The following ASTN2 variants were observed in gnomAD, a reference collection of about 807,000 sequenced individuals.
ASTN2 encodes astrotactin 2.
In ASTN2, 54 loss-of-function variants were observed where a neutral mutation model predicts 139.8. That is an observed-to-expected ratio of 0.39 (90% CI 0.31 to 0.48). The LOEUF (loss-of-function observed/expected upper bound fraction) is 0.48, where lower values mean the gene tolerates loss of function less well. ASTN2 is among the 20% of genes least tolerant of loss of function. The pLI is 0.95. For missense variants in ASTN2, 1,565 were observed against 1,725.1 expected, an observed-to-expected ratio of 0.91 and a Z score of 1.64; for synonymous variants, 756 against 719.5, an observed-to-expected ratio of 1.05 and a Z score of -0.81.
chr9:116,814,187 T>A (rs1831247277), intron 12 of ASTN2, among the ~76,000 whole-genome samples: 1 of 152,144 alleles, frequency 6.6e-6, no homozygotes, highest in South Asian at 2.1e-4. Context: ...CCTTCCCAGC[T>A]TTCCTAGTGC....
intron 5 of ASTN2, among the ~76,000 whole-genome samples, chr9:117,050,373 CATTG>C (rs975463607): frequency 1.3e-5 from 2 of 152,088 alleles, no homozygotes; most frequent in Admixed American, 1.3e-4. Context: ...AGGAGAATAA[CATTG>C]ATTGTGTATT....
At chr9:116,711,850 C>A (rs1351422012) in intron 16 of ASTN2, among the ~76,000 whole-genome samples, 2 of 151,964 alleles carry the variant, frequency 1.3e-5, no homozygotes, top group African/African-American at 2.4e-5. Flanking sequence ...TATTATTTTT[C>A]TCCTTGAAAC....
chr9:116,522,483 G>C (rs1850918355), intron 19 of ASTN2, among the ~76,000 whole-genome samples: 1 of 152,100 alleles, frequency 6.6e-6, no homozygotes, highest in South Asian at 2.1e-4. Context: ...AAAGGCATAA[G>C]AATGATACAT....
chr9:116,533,298 A>G (rs1029916212), intron 19 of ASTN2, among the ~76,000 whole-genome samples: 1 of 152,200 alleles, frequency 6.6e-6, no homozygotes. Flanking sequence ...CAATCATGTC[A>G]TCTGCAAACA....
intron 11 of ASTN2, among the ~76,000 whole-genome samples, chr9:116,849,625 A>G (rs887258421): frequency 1.3e-5 from 2 of 152,224 alleles, no homozygotes; most frequent in Non-Finnish European, 2.9e-5. Context: ...GAACCTGTAC[A>G]GCTTGATACC....
chr9:117,101,582 G>C (rs1828979303), intron 4 of ASTN2, among the ~76,000 whole-genome samples: 1 of 152,108 alleles, frequency 6.6e-6, no homozygotes, highest in Non-Finnish European at 1.5e-5. Flanking sequence ...GGTGTGATAA[G>C]TACTGCCCCA....
At chr9:117,309,548 G>A (rs76049323) in intron 1 of ASTN2, among the ~76,000 whole-genome samples, 1,755 of 152,252 alleles carry the variant, frequency 0.012, 30 homozygotes, top group African/African-American at 0.04. Context: ...ATAGATGCAG[G>A]AACAGTGATG....
chr9:117,190,989 A>G (rs549206525), intron 3 of ASTN2, among the ~76,000 whole-genome samples: 2 of 152,286 alleles, frequency 1.3e-5, no homozygotes, highest in African/African-American at 2.4e-5. Flanking sequence ...GTAGGTACTT[A>G]ATTAAAGCTT....
intron 1 of ASTN2, among the ~76,000 whole-genome samples, chr9:117,405,210 G>A (rs1339611932): frequency 6.6e-6 from 1 of 152,200 alleles, no homozygotes; most frequent in African/African-American, 2.4e-5. Flanking sequence ...AAAAAGTCTA[G>A]AGATGAAAAG....
chr9:117,363,694 T>G lies in ASTN2; in HGVS notation c.442+50803A>C, dbSNP rs1434493346. On this transcript the variant is annotated intron_variant, in intron 1 of 22. Coordinates refer to ENST00000313400, the MANE Select transcript of ASTN2 (RefSeq NM_001365068.1). ...GGGTAGGATTTGAAGATACAGAGAT[T>G]AGGAGGAGTCAAAAGGGGATAAGGC... Among the ~76,000 whole-genome samples the G allele has an allele frequency of 3.9e-5, 6 of 152,182 alleles. No individual in the cohort carries two copies. The South Asian group carries it at 1.2e-3, about 32-fold the overall frequency.
At chr9:116,584,598 T>G (rs2131719598) in intron 19 of ASTN2, 1 of 152,328 alleles carries the variant, frequency 6.6e-6, no homozygotes, top group African/African-American at 2.4e-5. Flanking sequence ...AGCATTATAC[T>G]TAATGGTGAA....
At position 116,734,929 on chromosome 9, in the gene ASTN2, A is replaced by T. The variant is rs538007897; in HGVS notation, c.2397-1406T>A. 5.3e-5 allele frequency among the ~76,000 whole-genome samples: 8 copies of T among 152,228 alleles called. No homozygotes were observed. In the South Asian group the frequency reaches 1.7e-3, roughly 32 times the overall value. On this transcript the variant is annotated intron_variant, in intron 13 of 22. Transcript: ENST00000313400. The stretch of plus-strand genomic sequence containing the variant: ...CACCAGCATCACCATCATTATCATC[A>T]TTGTCTTTGTCATCTATATTATTCA...
intron 12 of ASTN2, among the ~76,000 whole-genome samples, chr9:116,818,720 T>C (rs1317797438): frequency 2.0e-5 from 3 of 152,336 alleles, no homozygotes; most frequent in East Asian, 3.9e-4. Flanking sequence ...GTGCAGGACA[T>C]TGTTCCAAAG....
rs535339482 is a variant in ASTN2, at chr9:116,423,519, C to T, written c.*2332G>A. 6.6e-6 allele frequency among the ~76,000 whole-genome samples: 1 copy of T among 152,194 alleles called. No homozygotes were observed. Among genetic ancestry groups the T allele is most frequent in the African/African-American group, 2.4e-5 (1 of 41,446 alleles). ...GTTGGGTCAAGACAATGGAAAGCAA[C>T]AGCAACCTGATAGCTCTCTGAAAAC... On this transcript the variant is annotated 3_prime_UTR_variant, in exon 23 of 23. Transcript: ENST00000313400.
intron 2 of ASTN2, among the ~76,000 whole-genome samples, chr9:117,237,965 A>G (rs535347443): frequency 6.5e-4 from 99 of 152,276 alleles, no homozygotes; most frequent in Non-Finnish European, 1.3e-3. Flanking sequence ...CCCTGGAGAC[A>G]CACAGTTGTC....
chr9:116,691,315 C>G (rs756704681), intron 16 of ASTN2, among the ~76,000 whole-genome samples: 2 of 152,108 alleles, frequency 1.3e-5, no homozygotes, highest in Non-Finnish European at 2.9e-5. Flanking sequence ...GTTGGAGGTC[C>G]CTGAGAAGGG....
chr9:116,813,860 C>G (rs10983358), intron 12 of ASTN2, among the ~76,000 whole-genome samples: 15 of 151,766 alleles, frequency 9.9e-5, no homozygotes, highest in African/African-American at 3.6e-4. Flanking sequence ...CATGGCGAAA[C>G]CCCATCTCTA....
At chr9:117,328,552 C>G (rs1026680394) in intron 1 of ASTN2, among the ~76,000 whole-genome samples, 6 of 152,116 alleles carry the variant, frequency 3.9e-5, no homozygotes, top group African/African-American at 1.4e-4. Context: ...TTGGTATTCT[C>G]TAGATATGCT....
chr9:117,385,983 G>A (rs1173661309), intron 1 of ASTN2, among the ~76,000 whole-genome samples: 2 of 152,084 alleles, frequency 1.3e-5, no homozygotes, highest in East Asian at 3.9e-4. Flanking sequence ...AATAGATGAA[G>A]GGGATATGGT....
Sources: gnomAD v4.1 joint callset for allele counts (sites outside exome capture counted in the v4.1 genomes callset) on GRCh38, gnomAD v4.1.1 for gene constraint, MANE v1.5 for transcripts, NCBI Gene and HGNC (gene_info 2026-07-23, HGNC 2026-07-21) for gene names.